Variants in CD83 observed in about 807,000 individuals in gnomAD.
CD83 encodes the protein CD83 molecule, also known as CD83 antigen.
Under a neutral mutation model 24.6 loss-of-function variants are expected in CD83, and 22 were observed. The ratio of observed to expected loss-of-function variants is 0.90; its 90% CI spans 0.64 to 1.28. CD83 has a LOEUF of 1.28. CD83 is among the 50% of genes most tolerant of loss of function. The pLI is 0.00. For missense variants in CD83, 253 were observed against 252.8 expected, an observed-to-expected ratio of 1.00 and a Z score of -0.01; for synonymous variants, 101 against 103.5, an observed-to-expected ratio of 0.98 and a Z score of 0.14.
Position 14,131,699 on chromosome 6 carries a change from C to G in CD83, c.333C>G (p.Asp111Glu). The G allele has an allele frequency of 6.2e-7, 1 of 1,614,178 alleles. No individual in the cohort carries two copies. Among genetic ancestry groups the G allele is most frequent in the Non-Finnish European group, 8.5e-7 (1 of 1,180,016 alleles). The change falls in exon 3 of 5, where the codon GAC (aspartate) becomes GAG (glutamate). Residue 111 changes from aspartate to glutamate, a missense_variant. Transcript: ENST00000379153. ...NSGTYRCTLQ[D>E]PDGQRNLSGK... is the part of the protein sequence containing the mutation. ...GGACATACAGGTGCACTCTGCAGGA[C>G]CCGGATGGGCAGAGAAACCTAAGTG...
Position 14,133,764 on chromosome 6 carries a change from C to G in CD83, c.489+9C>G. 2.0e-6 allele frequency: 3 copies of G among 1,528,646 alleles called. No individual in the cohort carries two copies. The highest frequency in any genetic ancestry group is 2.7e-6 in the Non-Finnish European group (3 of 1,108,018). The allele number at this position is 1,528,646 out of a possible 1,614,324, so 94.7% of individuals were successfully genotyped here. A position where few individuals can be genotyped will look rare whatever the true frequency, so the allele number is the denominator to read the frequency against. On this transcript the variant is annotated intron_variant, in intron 4 of 4. Coordinates refer to ENST00000379153, the MANE Select transcript of CD83 (RefSeq NM_004233.4). ...TCATCATTTTCACTTGTGTAAGTATCTTCTTAAAACATCTTCTCTTATTAA... is the reference window on the plus strand; with the variant it reads ...TCATCATTTTCACTTGTGTAAGTATGTTCTTAAAACATCTTCTCTTATTAA...
intron 2 of CD83, among the ~76,000 whole-genome samples, chr6:14,130,952 C>T (rs546775427): frequency 1.5e-3 from 223 of 152,300 alleles, no homozygotes; most frequent in African/African-American, 5.0e-3. Flanking sequence ...GTGGCACATT[C>T]GGCGACGTCA....
intron 2 of CD83, among the ~76,000 whole-genome samples, chr6:14,121,999 A>G (rs1231911621): frequency 1.3e-5 from 2 of 152,156 alleles, no homozygotes; most frequent in Non-Finnish European, 2.9e-5. Flanking sequence ...CCTATGGGTG[A>G]TGCAAAACGA....
chr6:14,122,137 A>G (rs577363680), intron 2 of CD83, among the ~76,000 whole-genome samples: 1 of 152,216 alleles, frequency 6.6e-6, no homozygotes, highest in Non-Finnish European at 1.5e-5. Context: ...GTGTGACTTC[A>G]TATAAAAGTC....
rs1474663191 is a variant in CD83, at chr6:14,118,085, C to T, written c.153+20C>T. ...GTCAAGGTAGGTGCTGCGATACCCA[C>T]GGGCTGGGGTTTGGTGGGCTCATTT... On this transcript the variant is annotated intron_variant, in intron 2 of 4. Transcript: ENST00000379153. 2.6e-6 allele frequency: 4 copies of T among 1,557,836 alleles called. No individual in the cohort carries two copies. The highest frequency in any genetic ancestry group is 2.3e-5 in the South Asian group (2 of 87,084).
chr6:14,121,971 T>C (rs966212941), intron 2 of CD83, among the ~76,000 whole-genome samples: 2 of 152,178 alleles, frequency 1.3e-5, no homozygotes, highest in African/African-American at 4.8e-5. Context: ...TCTTGTATCA[T>C]GCTAGGAGCC....
Position 14,118,015 on chromosome 6 carries a change from T to A in CD83, c.103T>A (p.Cys35Ser), listed in dbSNP as rs748196931. Residue 35 changes from cysteine to serine, a missense_variant, in exon 2 of 5, where the codon TGC becomes AGC. Coordinates refer to ENST00000379153, the MANE Select transcript of CD83 (RefSeq NM_004233.4). ...VACSEDVDLP[C>S]TAPWDPQVPY... ...TTGCTCCGAAGATGTGGACTTGCCC[T>A]GCACCGCCCCCTGGGATCCGCAGGT... 6.2e-7 allele frequency: 1 copy of A among 1,611,056 alleles called. No individual in the cohort carries two copies. Among genetic ancestry groups the A allele is most frequent in the East Asian group, 2.2e-5 (1 of 44,622 alleles).
intron 2 of CD83, among the ~76,000 whole-genome samples, chr6:14,119,480 TGG>T (rs1759622546): frequency 1.3e-5 from 2 of 152,226 alleles, no homozygotes; most frequent in Non-Finnish European, 2.9e-5. Context: ...ATCGGAAGAA[TGG>T]ACTTAGGGAT....
At chr6:14,117,757 C>T (rs1327442297), upstream of CD83, 177 of 1,325,068 alleles carry the variant, frequency 1.3e-4, no homozygotes, top group Non-Finnish European at 1.6e-4. The surrounding 1 kb of genome is among the most constrained non-coding windows in gnomAD (Gnocchi z 4.6). Flanking sequence ...AAAGGGCAGC[C>T]GGCGCCCGCG....
chr6:14,134,929 G>C lies in CD83; in HGVS notation c.490-179G>C, dbSNP rs1432415500. On this transcript the variant is annotated intron_variant, in intron 4 of 4. Transcript: ENST00000379153. ...ACAATCAGTGAATCTCCTGGTCCAA[G>C]TTTAGAGACGCCAGTGAAATGGTTG... Among the ~76,000 whole-genome samples, 5 of 152,326 alleles carry C rather than the reference G, an allele frequency of 3.3e-5. No individual in the cohort carries two copies. The East Asian group carries it at 9.7e-4, about 29-fold the overall frequency.
chr6:14,123,553 A>T (rs1759720894), intron 2 of CD83, among the ~76,000 whole-genome samples: 4 of 152,160 alleles, frequency 2.6e-5, no homozygotes, highest in African/African-American at 9.7e-5. Context: ...CTTGGTCACC[A>T]GTCCTGTCCA....
chr6:14,134,421 T>C (rs1757995510), intron 4 of CD83, among the ~76,000 whole-genome samples: 1 of 152,164 alleles, frequency 6.6e-6, no homozygotes, highest in Admixed American at 6.5e-5. Flanking sequence ...ATGATGGTTG[T>C]GGGAGAGTAG....
upstream of CD83, chr6:14,117,363 G>C (rs1191081087): frequency 2.6e-5 from 4 of 152,166 alleles, no homozygotes; most frequent in Admixed American, 2.6e-4. This position sits in a 1 kb window ranked among gnomAD's most constrained non-coding sequence, Gnocchi z 4.6. Flanking sequence ...ATCTGGTTTG[G>C]CCTCCGTAAA....
Position 14,133,720 on chromosome 6 carries a change from G to A in CD83, c.454G>A (p.Val152Ile), listed in dbSNP as rs1326865509. The change falls in exon 4 of 5, where the codon GTT becomes ATT. Residue 152 changes from valine to isoleucine, a missense_variant. Val to Ile is a conservative substitution (Grantham distance 29, BLOSUM62 3). Transcript: ENST00000379153. ...RAEIVLLLAL[V>I]IFYLTLIIFT... ...GGAGATTGTCCTGCTGCTGGCTCTG[G>A]TTATTTTCTACTTAACACTCATCAT... 1.2e-6 allele frequency: 2 copies of A among 1,613,146 alleles called. No individual in the cohort carries two copies. The highest frequency in any genetic ancestry group is 1.7e-6 in the Non-Finnish European group (2 of 1,179,304).
chr6:14,118,135 T>A, intron 2 of CD83, 70 bp downstream of exon 2: 1 of 1,148,786 alleles, frequency 8.7e-7, no homozygotes, highest in Non-Finnish European at 1.2e-6. Flanking sequence ...CCATCTCCCC[T>A]AGGCTGGCGA....
rs1417143693 is a variant in CD83, at chr6:14,136,830, A to G, written c.*1594A>G. ...ACCTATGTAACAAACCTGCACTTAT[A>G]CCCATGAACTTAAAATGAAAGTTAA... is the stretch of plus-strand genomic sequence containing the variant. On this transcript the variant is annotated 3_prime_UTR_variant, in exon 5 of 5. Transcript: ENST00000379153. 4 of 152,218 alleles carry G rather than the reference A, an allele frequency of 2.6e-5. No homozygotes were observed. In the East Asian group the frequency reaches 7.7e-4, roughly 29 times the overall value. The allele number at this position is 152,218 out of a possible 1,614,324, so 9.4% of individuals were successfully genotyped here. A position where few individuals can be genotyped will look rare whatever the true frequency, so the allele number is the denominator to read the frequency against.
At chr6:14,118,351 G>A (rs200873990) in intron 2 of CD83, among the ~76,000 whole-genome samples, 1 of 3,676 alleles carries the variant, frequency 2.7e-4, no homozygotes, top group African/African-American at 1.9e-3. Context: ...GAAGGGCAGA[G>A]ACTCTCATTT....
chr6:14,133,782 C>T (rs771857367), intron 4 of CD83, 27 bp downstream of exon 4: 1 of 1,443,454 alleles, frequency 6.9e-7, no homozygotes, highest in Non-Finnish European at 9.7e-7. Flanking sequence ...AACATCTTCT[C>T]TTATTAAAAG....
At position 14,136,079 on chromosome 6, in the gene CD83, C is replaced by G. The variant is rs1288245077; in HGVS notation, c.*843C>G. The G allele has an allele frequency of 2.0e-5, 3 of 152,220 alleles. No homozygotes were observed. The highest frequency in any genetic ancestry group is 4.4e-5 in the Non-Finnish European group (3 of 68,066). 9.4% of individuals were successfully genotyped at this position (152,220 alleles called of 1,614,324 possible). A position where few individuals can be genotyped will look rare whatever the true frequency, so the allele number is the denominator to read the frequency against. ...CTGACGGTGCAGTCTGGGTGCTCGC[C>G]CACTTGTCCCACTATCTGGGTGCAT... On this transcript the variant is annotated 3_prime_UTR_variant, in exon 5 of 5. Coordinates refer to ENST00000379153, the MANE Select transcript of CD83 (RefSeq NM_004233.4).
Sources: allele counts gnomAD v4.1 joint callset (sites outside exome capture counted in the v4.1 genomes callset), GRCh38; gene constraint gnomAD v4.1.1; non-coding constraint Gnocchi (gnomAD v3.1); transcripts MANE v1.5; gene names NCBI Gene and HGNC (gene_info 2026-07-23, HGNC 2026-07-21).